The following DLGAP1 variants were observed in gnomAD, a reference collection of about 807,000 sequenced individuals.
DLGAP1 encodes the protein disks large-associated protein 1.
DLGAP1 carries 11 observed loss-of-function variants against 90.8 expected under a neutral mutation model. That is an observed-to-expected ratio of 0.12 (90% CI 0.08 to 0.20). The LOEUF is 0.20. Among genes scored for constraint, DLGAP1 ranks in the 10% least tolerant of loss-of-function variants. The probability of loss-of-function intolerance (pLI) is 1.00; values close to 1 mark genes in which losing one functional copy is unlikely to be tolerated. For synonymous variants in DLGAP1, 558 were observed against 540.7 expected, an observed-to-expected ratio of 1.03 and a Z score of -0.44; for missense variants, 1,050 against 1,333.8, an observed-to-expected ratio of 0.79 and a Z score of 3.31.
intron 1 of DLGAP1, among the ~76,000 whole-genome samples, chr18:4,450,408 T>C (rs1046416327): frequency 1.1e-4 from 16 of 152,206 alleles, no homozygotes; most frequent in African/African-American, 3.9e-4. Context: ...CTCTAGCAGA[T>C]GTTTTCAAAT....
At chr18:3,898,014 T>A (rs559183138) in intron 3 of DLGAP1, among the ~76,000 whole-genome samples, 64 of 152,092 alleles carry the variant, frequency 4.2e-4, no homozygotes, top group African/African-American at 1.3e-3. Context: ...CAGGATGGTC[T>A]CGATCTCCTG....
chr18:4,160,711 C>A (rs551466814), intron 1 of DLGAP1, among the ~76,000 whole-genome samples: 21 of 152,224 alleles, frequency 1.4e-4, no homozygotes, highest in African/African-American at 4.3e-4. Context: ...CTCAATTTCA[C>A]CTCTCAGTGT....
chr18:3,729,471 CA>C lies in DLGAP1; in HGVS notation c.1351-97del. The C allele has an allele frequency of 6.7e-7, 1 of 1,499,204 alleles. No homozygotes were observed. The highest frequency in any genetic ancestry group is 9.0e-7 in the Non-Finnish European group (1 of 1,113,358). 92.9% of individuals were successfully genotyped at this position (1,499,204 alleles called of 1,614,324 possible). ...GAACTTCAATCCCCAGAAGAAAAAG[CA>C]GCGTCTGGTTAGATTAAGCTCAAAT... is the stretch of plus-strand genomic sequence containing the variant. On this transcript the variant is annotated intron_variant, in intron 6 of 12. Transcript: ENST00000315677. The surrounding 1 kb of genome is among the most constrained non-coding windows in gnomAD (Gnocchi z 6.2).
intron 4 of DLGAP1, among the ~76,000 whole-genome samples, chr18:3,842,433 A>C (rs67583650): frequency 0.27 from 41,475 of 152,106 alleles, 5,754 homozygotes; most frequent in South Asian, 0.35. Flanking sequence ...CATTTGGGCT[A>C]TAATGTGCAG....
intron 4 of DLGAP1, among the ~76,000 whole-genome samples, chr18:3,823,078 C>A (rs1229790838): frequency 2.0e-5 from 3 of 152,158 alleles, no homozygotes; most frequent in African/African-American, 7.2e-5. Context: ...TTTAGCTATC[C>A]CAGTTCCACT....
intron 1 of DLGAP1, among the ~76,000 whole-genome samples, chr18:4,381,206 G>A (rs946528416): frequency 1.3e-5 from 2 of 152,066 alleles, no homozygotes; most frequent in East Asian, 3.9e-4. Flanking sequence ...ACTTTGTATG[G>A]CCATTCTTCT....
chr18:3,806,998 C>T (rs950249489), intron 5 of DLGAP1, among the ~76,000 whole-genome samples: 1 of 152,136 alleles, frequency 6.6e-6, no homozygotes, highest in Non-Finnish European at 1.5e-5. Context: ...CCTAAGAGTC[C>T]GTCCCTTCTT....
chr18:4,339,784 T>C (rs982900878), intron 1 of DLGAP1, among the ~76,000 whole-genome samples: 1 of 152,204 alleles, frequency 6.6e-6, no homozygotes, highest in Non-Finnish European at 1.5e-5. Flanking sequence ...ACTTATCATT[T>C]ACCCTGAATG....
At chr18:3,545,003 T>C (rs955547978) in intron 9 of DLGAP1, among the ~76,000 whole-genome samples, 4 of 152,150 alleles carry the variant, frequency 2.6e-5, no homozygotes, top group Non-Finnish European at 4.4e-5. Context: ...GCACAGTGGC[T>C]CATGCCTGTA....
At chr18:4,222,918 T>A (rs1487404189) in intron 1 of DLGAP1, among the ~76,000 whole-genome samples, 1 of 152,044 alleles carries the variant, frequency 6.6e-6, no homozygotes, top group East Asian at 1.9e-4. Flanking sequence ...AATATTGGAA[T>A]GACCATAAAC....
At chr18:4,283,959 A>G (rs915725177) in intron 1 of DLGAP1, among the ~76,000 whole-genome samples, 3 of 152,164 alleles carry the variant, frequency 2.0e-5, no homozygotes, top group African/African-American at 7.2e-5. Flanking sequence ...GCTTGCAGGC[A>G]GGAACAAACA....
rs1567965715 is a variant in DLGAP1, at chr18:3,688,658, CACACACACA to C, written c.1591+40468_1591+40476del. ...ACACACACACACACACACACACACA[CACACACACA>C]CCCTACCAAAAATAAGAAACAAAAC... On this transcript the variant is annotated intron_variant, in intron 7 of 12. Transcript: ENST00000315677. 9.3e-3 allele frequency among the ~76,000 whole-genome samples: 844 copies of C among 90,792 alleles called. 2 individuals are homozygous for C. The highest frequency in any genetic ancestry group is 0.012 in the Non-Finnish European group (544 of 47,260). 59.6% of individuals were successfully genotyped at this position (90,792 alleles called of 152,430 possible).
Position 3,879,262 on chromosome 18 carries a change from C to T in DLGAP1, c.807G>A (p.Leu269=). 1 of 1,599,814 alleles carries T rather than the reference C, an allele frequency of 6.3e-7. No individual in the cohort carries two copies. Among genetic ancestry groups the T allele is most frequent in the Non-Finnish European group, 8.5e-7 (1 of 1,172,514 alleles). The change falls in exon 4 of 13, where the codon CTG becomes CTA. Residue 269 remains leucine, a synonymous_variant. Coordinates refer to ENST00000315677, the MANE Select transcript of DLGAP1 (RefSeq NM_004746.4). This position sits in a 1 kb window ranked among gnomAD's most constrained non-coding sequence, Gnocchi z 6.6. ...CSTCANLPVS[L]DTPLLKKSAW... ...CGCTCTTCTTCAGCAGCGGGGTGTC[C>T]AGGCTGACCGGCAGGTTGGCGCAGG...
intron 7 of DLGAP1, among the ~76,000 whole-genome samples, chr18:3,628,175 CTTGTG>C (rs2058377962): frequency 6.7e-6 from 1 of 149,920 alleles, no homozygotes; most frequent in African/African-American, 2.5e-5. Context: ...TGCGCCTGGC[CTTGTG>C]CTATATTCTT....
chr18:4,246,078 T>A (rs1363210441), intron 1 of DLGAP1, among the ~76,000 whole-genome samples: 1 of 151,972 alleles, frequency 6.6e-6, no homozygotes, highest in Non-Finnish European at 1.5e-5. Context: ...CACTGAAGAG[T>A]GTGTGTGTTT....
chr18:3,819,195 A>G (rs946174973), intron 4 of DLGAP1, among the ~76,000 whole-genome samples: 7 of 152,038 alleles, frequency 4.6e-5, no homozygotes, highest in African/African-American at 1.7e-4. Flanking sequence ...CTGTAATCCC[A>G]GCTATTCAGG....
intron 7 of DLGAP1, among the ~76,000 whole-genome samples, chr18:3,710,151 T>C (rs973127763): frequency 6.6e-6 from 1 of 152,194 alleles, no homozygotes; most frequent in Non-Finnish European, 1.5e-5. Flanking sequence ...GCTCTCTCCA[T>C]AAATACCCAA....
chr18:3,549,462 A>G (rs2053252506), intron 9 of DLGAP1, among the ~76,000 whole-genome samples: 1 of 151,886 alleles, frequency 6.6e-6, no homozygotes, highest in Non-Finnish European at 1.5e-5. Flanking sequence ...CCTCCTGAGT[A>G]GCTGGGATTA....
intron 1 of DLGAP1, among the ~76,000 whole-genome samples, chr18:4,258,039 A>C (rs1260746062): frequency 6.9e-6 from 1 of 145,840 alleles, no homozygotes; most frequent in African/African-American, 2.6e-5. Flanking sequence ...CCTATGTTGA[A>C]TTCTGTCAGC....
Sources: gnomAD v4.1 joint callset for allele counts (sites outside exome capture counted in the v4.1 genomes callset) on GRCh38, gnomAD v4.1.1 for gene constraint, Gnocchi (gnomAD v3.1) non-coding constraint, MANE v1.5 for transcripts, NCBI Gene and HGNC (gene_info 2026-07-23, HGNC 2026-07-21) for gene names.